CDH12: variants seen among roughly 807,000 people sequenced by gnomAD.
CDH12 encodes the protein cadherin-12.
A neutral mutation model predicts 74.1 loss-of-function variants in CDH12; 41 were observed. The ratio of observed to expected loss-of-function variants is 0.55; its 90% CI spans 0.43 to 0.72. The LOEUF is 0.72. CDH12 is among the 30% of genes least tolerant of loss of function. The pLI is 0.00. For synonymous variants in CDH12, 399 were observed against 355.0 expected, an observed-to-expected ratio of 1.12 and a Z score of -1.39; for missense variants, 945 against 977.2, an observed-to-expected ratio of 0.97 and a Z score of 0.44.
chr5:22,823,958 A>G lies in CDH12; in HGVS notation c.-523+29100T>C, dbSNP rs149683047. Among the ~76,000 whole-genome samples, 858 of 152,238 alleles carry G rather than the reference A, an allele frequency of 5.6e-3. 9 individuals are homozygous for G. Among genetic ancestry groups the G allele is most frequent in the African/African-American group, 0.019 (805 of 41,544 alleles). On this transcript the variant is annotated intron_variant, in intron 1 of 14. Transcript: ENST00000382254. ...TGAGAACAAATTAATACAAATACTA[A>G]CTCAAATAACCCAAAGGTGACATAA...
intron 11 of CDH12, among the ~76,000 whole-genome samples, chr5:21,766,178 A>C (rs1186526327): frequency 6.6e-6 from 1 of 152,012 alleles, no homozygotes; most frequent in Admixed American, 6.6e-5. Context: ...AAAGGTATAC[A>C]ATATCTTGCT....
intron 3 of CDH12, among the ~76,000 whole-genome samples, chr5:22,259,116 T>C (rs1753424586): frequency 6.6e-6 from 1 of 152,166 alleles, no homozygotes; most frequent in Admixed American, 6.6e-5. Flanking sequence ...ACTGGACTTG[T>C]CTCACTGAAC....
intron 6 of CDH12, among the ~76,000 whole-genome samples, chr5:21,970,383 T>C (rs1395239546): frequency 6.6e-6 from 1 of 152,150 alleles, no homozygotes; most frequent in Non-Finnish European, 1.5e-5. Context: ...AGAATATATC[T>C]AGTTTTTTAT....
At chr5:22,664,336 C>T (rs1287927946) in intron 1 of CDH12, among the ~76,000 whole-genome samples, 1 of 152,102 alleles carries the variant, frequency 6.6e-6, no homozygotes, top group Non-Finnish European at 1.5e-5. Context: ...AGGAAACTTA[C>T]TATCTAGGAA....
chr5:22,236,598 T>A (rs2150378261), intron 3 of CDH12, among the ~76,000 whole-genome samples: 1 of 152,100 alleles, frequency 6.6e-6, no homozygotes, highest in East Asian at 1.9e-4. Context: ...ACACAAAAAA[T>A]TAGCTGGACA....
At chr5:22,150,885 TG>T (rs1320688204) in intron 4 of CDH12, among the ~76,000 whole-genome samples, 1 of 152,210 alleles carries the variant, frequency 6.6e-6, no homozygotes, top group African/African-American at 2.4e-5. Flanking sequence ...TTGGTGATGG[TG>T]GCAGAGAAGG....
chr5:22,364,601 C>A (rs897342121), intron 3 of CDH12, among the ~76,000 whole-genome samples: 4 of 152,092 alleles, frequency 2.6e-5, no homozygotes, highest in South Asian at 2.1e-4. Flanking sequence ...AAGTATGGAA[C>A]ATTTATAACA....
chr5:22,713,291 C>T (rs957653609), intron 1 of CDH12, among the ~76,000 whole-genome samples: 2 of 151,748 alleles, frequency 1.3e-5, no homozygotes, highest in African/African-American at 2.4e-5. Context: ...CAGGCACAAA[C>T]CACCATGCCC....
At chr5:22,422,154 C>T (rs190372883) in intron 2 of CDH12, among the ~76,000 whole-genome samples, 31 of 152,112 alleles carry the variant, frequency 2.0e-4, no homozygotes, top group East Asian at 7.7e-4. Context: ...TGTCTTATGC[C>T]AGTTTTCAAG....
At chr5:21,995,595 A>C (rs971493107) in intron 5 of CDH12, among the ~76,000 whole-genome samples, 1 of 151,890 alleles carries the variant, frequency 6.6e-6, no homozygotes, top group African/African-American at 2.4e-5. Context: ...ATGCGGGGCC[A>C]GGGTTCAGTT....
chr5:22,378,910 G>C (rs999490989), intron 3 of CDH12, among the ~76,000 whole-genome samples: 1 of 152,036 alleles, frequency 6.6e-6, no homozygotes, highest in African/African-American at 2.4e-5. Context: ...TCTGCTTAAA[G>C]TAATTTGAAA....
At chr5:22,694,984 T>A (rs1420755217) in intron 1 of CDH12, among the ~76,000 whole-genome samples, 1 of 151,992 alleles carries the variant, frequency 6.6e-6, no homozygotes, top group Non-Finnish European at 1.5e-5. Flanking sequence ...ATGCTCTCCC[T>A]CCCCTTGCCC....
chr5:21,981,569 A>T (rs1341831598), intron 5 of CDH12, among the ~76,000 whole-genome samples: 2 of 152,076 alleles, frequency 1.3e-5, no homozygotes, highest in Non-Finnish European at 2.9e-5. Context: ...GGATCATAGC[A>T]TTAACACCTT....
At chr5:22,523,483 T>C (rs1218961943) in intron 1 of CDH12, among the ~76,000 whole-genome samples, 4 of 152,216 alleles carry the variant, frequency 2.6e-5, no homozygotes. Flanking sequence ...TTTCAAAGTA[T>C]CTTGAACTAT....
chr5:22,052,849 A>G (rs1352254236), intron 5 of CDH12, among the ~76,000 whole-genome samples: 1 of 152,132 alleles, frequency 6.6e-6, no homozygotes, highest in Admixed American at 6.6e-5. Context: ...AAACAAATTA[A>G]CAGCATCAAT....
At chr5:22,608,551 G>A (rs1489556781) in intron 1 of CDH12, among the ~76,000 whole-genome samples, 1 of 152,160 alleles carries the variant, frequency 6.6e-6, no homozygotes, top group Non-Finnish European at 1.5e-5. Flanking sequence ...GGGGACTGTT[G>A]CAAGGGCATG....
chr5:22,078,522 A>G lies in CDH12; in HGVS notation c.155T>C (p.Val52Ala). The part of the protein sequence containing the change: ...LPGQRSHFQR[V>A]KRGWVWNQFF... Reference sequence around the variant, plus strand: ...TTGATTCCATACCCAGCCACGTTTAACACGTTGGAAATGTGACCGTTGTCC... The same window carrying G: ...TTGATTCCATACCCAGCCACGTTTAGCACGTTGGAAATGTGACCGTTGTCC... The change falls in exon 5 of 15, where the codon GTT becomes GCT. Residue 52 changes from valine (V) to alanine (A), a missense_variant. Val to Ala is a moderately conservative substitution (Grantham distance 64, BLOSUM62 0). This residue lies in a region of CDH12 where 148 missense variants were observed against 162.8 expected (regional missense o/e 0.91). Transcript: ENST00000382254. The G allele has an allele frequency of 6.2e-7, 1 of 1,613,942 alleles. No homozygotes were observed. The highest frequency in any genetic ancestry group is 1.3e-5 in the African/African-American group (1 of 75,016).
intron 1 of CDH12, among the ~76,000 whole-genome samples, chr5:22,602,040 T>C (rs577278503): frequency 1.9e-4 from 29 of 152,244 alleles, no homozygotes; most frequent in African/African-American, 6.5e-4. Flanking sequence ...ATTTTCCTTT[T>C]AATATTAGCA....
At chr5:22,071,817 A>G (rs1387925661) in intron 5 of CDH12, among the ~76,000 whole-genome samples, 1 of 152,098 alleles carries the variant, frequency 6.6e-6, no homozygotes, top group Non-Finnish European at 1.5e-5. Context: ...TTGAGTCCCA[A>G]ATCTACAAGG....
Sources: gnomAD v4.1 joint callset for allele counts (sites outside exome capture counted in the v4.1 genomes callset) on GRCh38, gnomAD v4.1.1 for gene constraint, gnomAD v4.1.1 regional missense constraint, MANE v1.5 for transcripts, NCBI Gene and HGNC (gene_info 2026-07-23, HGNC 2026-07-21) for gene names.